Variants in KAZN observed in about 807,000 individuals in gnomAD.
The protein encoded by KAZN is kazrin.
KAZN carries 40 observed loss-of-function variants against 87.4 expected under a neutral mutation model. The observed-to-expected ratio is 0.46, with a 90% CI of 0.36 to 0.60. KAZN has a LOEUF of 0.60. Ranked by LOEUF, KAZN falls within the 20% of genes least tolerant of loss-of-function variation. The pLI, the probability that KAZN is intolerant of heterozygous loss-of-function variation, is 0.00. For synonymous variants in KAZN, 466 were observed against 458.3 expected (o/e 1.02, Z -0.22); for missense variants, 898 against 1,073.9 (o/e 0.84, Z 2.29).
At chr1:14,233,827 T>G (rs1648102306) in intron 2 of KAZN, among the ~76,000 whole-genome samples, 1 of 152,206 alleles carries the variant, frequency 6.6e-6, no homozygotes, top group Non-Finnish European at 1.5e-5. Context: ...TTAAGGATCT[T>G]GAAAATCAAA....
At chr1:14,556,019 T>A (rs1385099981) in intron 2 of KAZN, among the ~76,000 whole-genome samples, 1 of 152,204 alleles carries the variant, frequency 6.6e-6, no homozygotes, top group Non-Finnish European at 1.5e-5. Context: ...CGGTGATATG[T>A]TGTTTACCTG....
At position 15,021,491 on chromosome 1, in the gene KAZN, G is replaced by A. The variant is rs1015104381; in HGVS notation, c.419-13258G>A. Among the ~76,000 whole-genome samples the A allele has an allele frequency of 6.6e-6, 1 of 152,088 alleles. No individual in the cohort carries two copies. The highest frequency in any genetic ancestry group is 2.4e-5 in the African/African-American group (1 of 41,418). On this transcript the variant is annotated intron_variant, in intron 2 of 14. Coordinates refer to ENST00000376030, the MANE Select transcript of KAZN (RefSeq NM_201628.3). This position sits in a 1 kb window ranked among gnomAD's most constrained non-coding sequence, Gnocchi z 4.2. Reference sequence around the variant, plus strand: ...ACAAACACCACCCGCTCCCAGTCCCGGCCCCTCCCATTTCCCTCCTGCTGG... The same window carrying A: ...ACAAACACCACCCGCTCCCAGTCCCAGCCCCTCCCATTTCCCTCCTGCTGG...
intron 2 of KAZN, among the ~76,000 whole-genome samples, chr1:14,373,612 A>G (rs1430230642): frequency 1.3e-5 from 2 of 152,236 alleles, no homozygotes; most frequent in Non-Finnish European, 2.9e-5. Context: ...CCAGATGTCC[A>G]GGCAGCCCAT....
chr1:14,638,587 A>C (rs1197620719), intron 1 of KAZN, among the ~76,000 whole-genome samples: 3 of 151,692 alleles, frequency 2.0e-5, no homozygotes, highest in Non-Finnish European at 2.9e-5. Context: ...AACAAAAAAA[A>C]AAAAACAAAA....
intron 2 of KAZN, among the ~76,000 whole-genome samples, chr1:14,481,139 G>A (rs1479080205): frequency 1.3e-5 from 2 of 151,828 alleles, no homozygotes; most frequent in African/African-American, 2.4e-5. Context: ...GTCAGGAGAG[G>A]GCTGCAGGAG....
chr1:14,284,661 GA>G (rs1164150250), intron 2 of KAZN, among the ~76,000 whole-genome samples: 1 of 152,204 alleles, frequency 6.6e-6, no homozygotes, highest in Non-Finnish European at 1.5e-5. Flanking sequence ...CTGCAGCATG[GA>G]GAATGGATCA....
chr1:14,975,949 G>A (rs1017526513), intron 2 of KAZN, among the ~76,000 whole-genome samples: 2 of 150,626 alleles, frequency 1.3e-5, no homozygotes, highest in African/African-American at 2.4e-5. Flanking sequence ...GGAGAAAGGC[G>A]CGAACCCGGG....
At chr1:14,292,938 G>C (rs944555722) in intron 2 of KAZN, among the ~76,000 whole-genome samples, 4 of 152,218 alleles carry the variant, frequency 2.6e-5, no homozygotes, top group African/African-American at 9.6e-5. Flanking sequence ...GGCATGTACA[G>C]TTCAATATCA....
At chr1:14,535,208 T>A (rs540230096) in intron 2 of KAZN, among the ~76,000 whole-genome samples, 1 of 152,348 alleles carries the variant, frequency 6.6e-6, no homozygotes, top group African/African-American at 2.4e-5. Context: ...ACAGGTTCTA[T>A]TAGCCCTTTG....
At chr1:13,989,510 G>T (rs1190307280) in intron 1 of KAZN, among the ~76,000 whole-genome samples, 1 of 152,156 alleles carries the variant, frequency 6.6e-6, no homozygotes, top group East Asian at 1.9e-4. Flanking sequence ...TGCCTACATA[G>T]ACATAGGCCA....
intron 1 of KAZN, among the ~76,000 whole-genome samples, chr1:14,047,635 G>T (rs1642133167): frequency 1.3e-5 from 2 of 152,246 alleles, no homozygotes; most frequent in South Asian, 4.1e-4. Flanking sequence ...TGGGAGGCCA[G>T]GGTGGGCGGA....
At chr1:15,092,432 GGT>G (rs749584140) in intron 8 of KAZN, among the ~76,000 whole-genome samples, 3 of 151,460 alleles carry the variant, frequency 2.0e-5, no homozygotes, top group Admixed American at 6.6e-5. Context: ...TGTCTGTTTG[GGT>G]GTGTGTGTGT....
intron 1 of KAZN, among the ~76,000 whole-genome samples, chr1:14,102,023 A>G (rs561063016): frequency 4.6e-4 from 70 of 152,282 alleles, no homozygotes; most frequent in African/African-American, 1.6e-3. Flanking sequence ...AACTTCAAAG[A>G]AGATGAAGCT....
chr1:14,465,569 A>G (rs909071970), intron 2 of KAZN, among the ~76,000 whole-genome samples: 2 of 152,100 alleles, frequency 1.3e-5, no homozygotes, highest in African/African-American at 4.8e-5. Context: ...CGAGCATTCC[A>G]GGGGACCCAG....
intron 1 of KAZN, among the ~76,000 whole-genome samples, chr1:14,012,577 G>A (rs1372178846): frequency 6.6e-6 from 1 of 152,178 alleles, no homozygotes; most frequent in East Asian, 1.9e-4. Flanking sequence ...CAGTTTGGGA[G>A]GGTGACGCGG....
At position 14,980,114 on chromosome 1, in the gene KAZN, CCTGACCTCAGGTGAT is replaced by C. The variant is rs1452679553; in HGVS notation, c.418+19243_418+19257del. Among the ~76,000 whole-genome samples, 3 of 152,266 alleles carry C rather than the reference CCTGACCTCAGGTGAT, an allele frequency of 2.0e-5. No homozygotes were observed. In the East Asian group the frequency reaches 5.8e-4, roughly 29 times the overall value. ...ATATTGGTCTGGCTGGTCTCAAACTCCTGACCTCAGGTGATCTGCCCACCTCCACCTCCCAAAGTG... is the reference window on the plus strand; with the variant it reads ...ATATTGGTCTGGCTGGTCTCAAACTCCTGCCCACCTCCACCTCCCAAAGTG... On this transcript the variant is annotated intron_variant, in intron 2 of 14. Transcript: ENST00000376030.
chr1:14,156,370 G>C (rs1288597482), intron 1 of KAZN, among the ~76,000 whole-genome samples: 1 of 152,164 alleles, frequency 6.6e-6, no homozygotes, highest in Non-Finnish European at 1.5e-5. Flanking sequence ...TATAGTGGAG[G>C]TTAAATCCAA....
At chr1:14,857,957 A>G (rs1207695002) in intron 1 of KAZN, among the ~76,000 whole-genome samples, 1 of 152,064 alleles carries the variant, frequency 6.6e-6, no homozygotes, top group Non-Finnish European at 1.5e-5. Flanking sequence ...GTCATTTCTT[A>G]TCCTCCCCCG....
chr1:14,803,614 T>C (rs1646110589), intron 1 of KAZN, among the ~76,000 whole-genome samples: 5 of 152,212 alleles, frequency 3.3e-5, no homozygotes, highest in Admixed American at 3.3e-4. Flanking sequence ...GCTCCGTCTC[T>C]CCAACAGAAA....
Sources: allele counts gnomAD v4.1 joint callset (sites outside exome capture counted in the v4.1 genomes callset), GRCh38; gene constraint gnomAD v4.1.1; non-coding constraint Gnocchi (gnomAD v3.1); transcripts MANE v1.5; gene names NCBI Gene and HGNC (gene_info 2026-07-23, HGNC 2026-07-21).